Variants in PDZD2 observed in about 807,000 individuals in gnomAD.
The protein encoded by PDZD2 is PDZ domain containing 2.
Under a neutral mutation model 220.7 loss-of-function variants are expected in PDZD2, and 90 were observed. The observed-to-expected ratio is 0.41, with a 90% CI of 0.34 to 0.49. The LOEUF (loss-of-function observed/expected upper bound fraction) is 0.49. Among genes scored for constraint, PDZD2 ranks in the 20% least tolerant of loss-of-function variants. The pLI is 0.28. For missense variants in PDZD2, 3,174 were observed against 3,608.5 expected, an observed-to-expected ratio of 0.88 and a Z score of 3.08; for synonymous variants, 1,375 against 1,450.5, an observed-to-expected ratio of 0.95 and a Z score of 1.18.
chr5:31,661,845 G>GT (rs1745781076), intron 1 of PDZD2, among the ~76,000 whole-genome samples: 1 of 145,312 alleles, frequency 6.9e-6, no homozygotes. Flanking sequence ...GGTAAATGTC[G>GT]TAACTGTACA....
rs1322301927 is a variant in PDZD2 at position 32,003,330 on chromosome 5, C to CA, written c.1254+3059_1254+3060insA. ...ACCACACACACCCCACACACACACC[C>CA]CCACCACACCACACACACACCACAC... On this transcript the variant is annotated intron_variant, in intron 5 of 24. Coordinates refer to ENST00000438447, the MANE Select transcript of PDZD2 (RefSeq NM_178140.4). 3.3e-5 allele frequency among the ~76,000 whole-genome samples: 2 copies of CA among 60,536 alleles called. 1 individual carries two copies. The highest frequency in any genetic ancestry group is 7.2e-5 in the Non-Finnish European group (2 of 27,960). The allele number at this position is 60,536 out of a possible 152,430, so 39.7% of individuals were successfully genotyped here.
chr5:31,774,024 C>A lies in PDZD2; in HGVS notation c.-360-24865C>A, dbSNP rs10056284. On this transcript the variant is annotated intron_variant, in intron 1 of 24. Coordinates refer to ENST00000438447, the MANE Select transcript of PDZD2 (RefSeq NM_178140.4). The stretch of plus-strand genomic sequence containing the variant: ...AGTCCCAGGGTGACCTGGGCAGTGA[C>A]TCCTATTCTCCCCAGCTGTTCATCC... 8.6e-3 allele frequency among the ~76,000 whole-genome samples: 1,302 copies of A among 152,244 alleles called. 19 individuals are homozygous for A. The highest frequency in any genetic ancestry group is 0.035 in the South Asian group (167 of 4,812).
chr5:31,647,631 G>A (rs1293098646), intron 1 of PDZD2, among the ~76,000 whole-genome samples: 1 of 152,164 alleles, frequency 6.6e-6, no homozygotes, highest in Non-Finnish European at 1.5e-5. Context: ...TCTACTTTGT[G>A]TGTCTCATTT....
chr5:31,970,115 G>A lies in PDZD2; in HGVS notation c.477-13040G>A, dbSNP rs975651887. 2.2e-4 allele frequency among the ~76,000 whole-genome samples: 33 copies of A among 151,918 alleles called. 1 individual carries two copies. The highest frequency in any genetic ancestry group is 7.4e-5 in the Non-Finnish European group (5 of 67,982). ...GTTTCTCCATGTTGAGGCTGGTCTC[G>A]AACTCCTGACCTCAGGTGATCCGCC... On this transcript the variant is annotated intron_variant, in intron 2 of 24. Coordinates refer to ENST00000438447, the MANE Select transcript of PDZD2 (RefSeq NM_178140.4).
chr5:31,920,154 C>T (rs571092800), intron 2 of PDZD2, among the ~76,000 whole-genome samples: 13 of 151,844 alleles, frequency 8.6e-5, no homozygotes, highest in African/African-American at 2.7e-4. Context: ...CATAGTGGCA[C>T]GCACCTATAA....
Position 32,087,694 on chromosome 5 carries a change from C to T in PDZD2, c.4246C>T (p.Pro1416Ser). 3 of 1,614,078 alleles carry T rather than the reference C, an allele frequency of 1.9e-6. No individual in the cohort carries two copies. Among genetic ancestry groups the T allele is most frequent in the Non-Finnish European group, 1.7e-6 (2 of 1,179,972 alleles). Residue 1416 changes from proline to serine, a missense_variant, in exon 20 of 25, where the codon CCA becomes TCA. This residue lies in a region of PDZD2 where 1,861 missense variants were observed against 2,001.0 expected (regional missense o/e 0.93). Coordinates refer to ENST00000438447, the MANE Select transcript of PDZD2 (RefSeq NM_178140.4). This position sits in a 1 kb window ranked among gnomAD's most constrained non-coding sequence, Gnocchi z 4.0. ...TGGCCATGTCTCGGGGCACTGCTGC[C>T]CAGGGGGGAGTAGAGAGAGCCCTGT... ...ACGHVSGHCC[P>S]GGSRESPVTD...
chr5:31,639,847 G>A lies in PDZD2; in HGVS notation c.-361+410G>A, dbSNP rs189696056. Among the ~76,000 whole-genome samples, 190 of 152,342 alleles carry A rather than the reference G, an allele frequency of 1.2e-3. 1 individual carries two copies. The highest frequency in any genetic ancestry group is 1.7e-3 in the East Asian group (9 of 5,146). Reference sequence around the variant, plus strand: ...GAGGTACTCAGGTACTCCGGCCTCAGGTAATGTCTTGGGGACCATCCTCCC... The same window carrying A: ...GAGGTACTCAGGTACTCCGGCCTCAAGTAATGTCTTGGGGACCATCCTCCC... On this transcript the variant is annotated intron_variant, in intron 1 of 24. Coordinates refer to ENST00000438447, the MANE Select transcript of PDZD2 (RefSeq NM_178140.4). The surrounding 1 kb of genome is among the most constrained non-coding windows in gnomAD (Gnocchi z 4.1).
intron 6 of PDZD2, among the ~76,000 whole-genome samples, chr5:32,023,810 T>C (rs1178327338): frequency 6.6e-6 from 1 of 152,228 alleles, no homozygotes; most frequent in African/African-American, 2.4e-5. Context: ...GAGTTTTGCT[T>C]CCTGCAGTTT....
chr5:31,687,163 G>C (rs1291175914), intron 1 of PDZD2, among the ~76,000 whole-genome samples: 2 of 152,184 alleles, frequency 1.3e-5, no homozygotes, highest in Non-Finnish European at 1.5e-5. Flanking sequence ...GAGTATGGGA[G>C]TGTTCATACC....
rs754426220 is a variant in PDZD2 at position 32,088,125 on chromosome 5, T to A, written c.4677T>A (p.Ser1559=). ...SSMYGDAEDS[S]SDPESLTEAP... ...TGTATGGCGATGCTGAGGATTCTTC[T>A]TCTGACCCTGAGTCACTCACTGAAG... The change falls in exon 20 of 25, where the codon TCT becomes TCA. Residue 1559 remains serine, a synonymous_variant. Transcript: ENST00000438447. This position sits in a 1 kb window ranked among gnomAD's most constrained non-coding sequence, Gnocchi z 4.6. The A allele has an allele frequency of 2.5e-6, 4 of 1,614,222 alleles. No homozygotes were observed.
chr5:32,051,206 C>T (rs931728788), intron 8 of PDZD2, among the ~76,000 whole-genome samples: 4 of 151,856 alleles, frequency 2.6e-5, no homozygotes, highest in African/African-American at 9.7e-5. Flanking sequence ...CACAAACCTC[C>T]GTATTCAAGG....
At chr5:31,824,398 T>C (rs1193884967) in intron 2 of PDZD2, among the ~76,000 whole-genome samples, 2 of 152,248 alleles carry the variant, frequency 1.3e-5, no homozygotes, top group Non-Finnish European at 2.9e-5. Flanking sequence ...TCCTGTCATT[T>C]ACTCATTGTT....
chr5:32,032,924 T>C (rs192621500), intron 6 of PDZD2, among the ~76,000 whole-genome samples: 4 of 152,308 alleles, frequency 2.6e-5, no homozygotes, highest in Admixed American at 6.5e-5. Context: ...TGCTTCTTCA[T>C]TGAGTGCTGT....
intron 2 of PDZD2, among the ~76,000 whole-genome samples, chr5:31,974,770 G>A (rs1046190239): frequency 1.3e-5 from 2 of 152,180 alleles, no homozygotes; most frequent in African/African-American, 2.4e-5. Context: ...ACTATGTGGT[G>A]TCTGGGTGCA....
At chr5:31,922,414 T>A (rs1744352999) in intron 2 of PDZD2, among the ~76,000 whole-genome samples, 1 of 152,220 alleles carries the variant, frequency 6.6e-6, no homozygotes, top group South Asian at 2.1e-4. Flanking sequence ...ATTTTTTTTA[T>A]CATAATGGAG....
At chr5:31,893,306 C>G (rs990564863) in intron 2 of PDZD2, among the ~76,000 whole-genome samples, 1 of 152,128 alleles carries the variant, frequency 6.6e-6, no homozygotes, top group Non-Finnish European at 1.5e-5. Flanking sequence ...CGCGGTGGCT[C>G]GTGCCTGTAA....
intron 2 of PDZD2, among the ~76,000 whole-genome samples, chr5:31,903,601 G>A (rs567492911): frequency 3.0e-5 from 4 of 132,358 alleles, no homozygotes; most frequent in East Asian, 4.4e-4. Flanking sequence ...CCAAGATCAC[G>A]CCACTGTACT....
intron 1 of PDZD2, among the ~76,000 whole-genome samples, chr5:31,754,958 C>T (rs1274169221): frequency 6.6e-6 from 1 of 152,200 alleles, no homozygotes; most frequent in Non-Finnish European, 1.5e-5. Flanking sequence ...CTAACTGAGG[C>T]TTGGACAAGT....
Position 31,995,669 on chromosome 5 carries a change from C to T in PDZD2, c.1072C>T (p.Pro358Ser). ...VSGGRGSKRS[P>S]HAIVVTQVKE... ...TGGAGGCCGAGGATCAAAGCGCTCA[C>T]CTCACGCTATCGTTGTCACTCAAGT... The change falls in exon 4 of 25, where the codon CCT becomes TCT. Residue 358 changes from proline to serine, a missense_variant. Pro to Ser is a moderately conservative substitution (Grantham distance 74). Transcript: ENST00000438447. 1 of 1,614,076 alleles carries T rather than the reference C, an allele frequency of 6.2e-7. No homozygotes were observed. Among genetic ancestry groups the T allele is most frequent in the Non-Finnish European group, 8.5e-7 (1 of 1,180,022 alleles).
Sources: allele counts gnomAD v4.1 joint callset (sites outside exome capture counted in the v4.1 genomes callset), GRCh38; gene constraint gnomAD v4.1.1; regional missense constraint gnomAD v4.1.1; non-coding constraint Gnocchi (gnomAD v3.1); transcripts MANE v1.5; gene names NCBI Gene and HGNC (gene_info 2026-07-23, HGNC 2026-07-21).